Variants in ROBO2 observed in about 807,000 individuals in gnomAD.
ROBO2 encodes the protein roundabout guidance receptor 2.
ROBO2 carries 53 observed loss-of-function variants against 160.8 expected under a neutral mutation model. That is an observed-to-expected ratio of 0.33 (90% confidence interval 0.26 to 0.41). ROBO2 has a LOEUF of 0.41. ROBO2 is among the 10% of genes least tolerant of loss of function. The pLI is 1.00. For missense variants in ROBO2, 1,577 were observed against 1,722.4 expected (o/e 0.92, Z 1.49); for synonymous variants, 664 against 611.7 (o/e 1.09, Z -1.26).
intron 2 of ROBO2, among the ~76,000 whole-genome samples, chr3:77,302,090 A>G (rs114840454): frequency 6.4e-4 from 96 of 151,084 alleles, no homozygotes; most frequent in African/African-American, 2.2e-3. Context: ...TTTTTTTTCC[A>G]TAGAAACTAA....
chr3:76,456,751 G>C lies in ROBO2; in HGVS notation c.109+519149G>C, dbSNP rs528369767. On this transcript the variant is annotated intron_variant, in intron 2 of 26. Coordinates refer to the ROBO2 transcript ENST00000487694. ...GCTGGTAAAGACGTACCCAAGACTGGGAAGAAAAAGAGGTTTAATTGGACT... is the reference window on the plus strand; with the variant it reads ...GCTGGTAAAGACGTACCCAAGACTGCGAAGAAAAAGAGGTTTAATTGGACT... 3.9e-5 allele frequency among the ~76,000 whole-genome samples: 6 copies of C among 152,086 alleles called. 1 individual carries two copies. Among genetic ancestry groups the C allele is most frequent in the Admixed American group, 1.3e-4 (2 of 15,262 alleles).
intron 2 of ROBO2, among the ~76,000 whole-genome samples, chr3:76,185,215 T>TATATATATATATATATATATACAC: frequency 0.025 from 2,214 of 89,974 alleles, 117 homozygotes; most frequent in South Asian, 0.042. Flanking sequence ...TATATATATA[T>TATATATATATATATATATATACAC]ACACACACAA....
At chr3:76,615,750 T>A (rs1423454531) in intron 2 of ROBO2, among the ~76,000 whole-genome samples, 1 of 152,232 alleles carries the variant, frequency 6.6e-6, no homozygotes, top group African/African-American at 2.4e-5. Context: ...GTATTTTTAC[T>A]TTATTAATGA....
chr3:75,951,758 G>GA (rs978657815), intron 2 of ROBO2, among the ~76,000 whole-genome samples: 13 of 150,558 alleles, frequency 8.6e-5, no homozygotes, highest in South Asian at 2.1e-4. Context: ...ATGTGTGGTG[G>GA]AAAAAAAAAT....
chr3:77,265,801 T>C (rs183057734), intron 2 of ROBO2, among the ~76,000 whole-genome samples: 1 of 152,314 alleles, frequency 6.6e-6, no homozygotes, highest in Admixed American at 6.5e-5. Context: ...CTGTTTCTCA[T>C]ACTAAATCAT....
chr3:77,016,647 C>T (rs934270288), intron 2 of ROBO2, among the ~76,000 whole-genome samples: 4 of 152,102 alleles, frequency 2.6e-5, no homozygotes, highest in African/African-American at 9.7e-5. Context: ...ATTTCTAGTC[C>T]TCTCAATAGC....
intron 2 of ROBO2, among the ~76,000 whole-genome samples, chr3:76,974,604 T>C (rs1222323123): frequency 6.6e-6 from 1 of 152,214 alleles, no homozygotes; most frequent in Non-Finnish European, 1.5e-5. Flanking sequence ...ACTTATTCTT[T>C]TCTGACACAG....
At chr3:76,377,348 T>C (rs1204305262) in intron 2 of ROBO2, among the ~76,000 whole-genome samples, 1 of 152,196 alleles carries the variant, frequency 6.6e-6, no homozygotes, top group Non-Finnish European at 1.5e-5. Flanking sequence ...TTAGATATCA[T>C]GCTTCAGGCA....
At chr3:77,539,338 T>C (rs775762) in intron 6 of ROBO2, among the ~76,000 whole-genome samples, 63,413 of 152,048 alleles carry the variant, frequency 0.42, 13,251 homozygotes, top group Admixed American at 0.48. Flanking sequence ...ATTTTCAACG[T>C]TGTGTAGCAG....
intron 17 of ROBO2, among the ~76,000 whole-genome samples, chr3:77,590,620 TA>T (rs1583147831): frequency 6.6e-6 from 1 of 152,136 alleles, no homozygotes; most frequent in Admixed American, 6.6e-5. Flanking sequence ...GCAATGATAA[TA>T]AAAAATTGAC....
At chr3:76,931,920 A>G (rs1335868466) in intron 2 of ROBO2, among the ~76,000 whole-genome samples, 4 of 152,268 alleles carry the variant, frequency 2.6e-5, no homozygotes, top group Non-Finnish European at 5.9e-5. Context: ...ACCTCAGGTG[A>G]TCTACCTGCC....
chr3:76,256,625 C>T (rs889611518), intron 2 of ROBO2, among the ~76,000 whole-genome samples: 3 of 151,976 alleles, frequency 2.0e-5, no homozygotes, highest in Admixed American at 1.3e-4. Flanking sequence ...GTGGGAGGAC[C>T]ACTAGATCCC....
chr3:77,238,130 C>G (rs2151336779), intron 2 of ROBO2, among the ~76,000 whole-genome samples: 1 of 152,152 alleles, frequency 6.6e-6, no homozygotes, highest in Admixed American at 6.5e-5. Context: ...ACTTGCATAA[C>G]AGTCCTTTAT....
intron 2 of ROBO2, among the ~76,000 whole-genome samples, chr3:75,967,800 C>T (rs1176517471): frequency 6.6e-6 from 1 of 151,294 alleles, no homozygotes; most frequent in Non-Finnish European, 1.5e-5. Flanking sequence ...TCAGGAATCA[C>T]CTTATCAAGT....
rs79816378 is a variant in ROBO2, at chr3:77,243,669, G to A, written c.388+145329G>A. Among the ~76,000 whole-genome samples, 858 of 152,270 alleles carry A rather than the reference G, an allele frequency of 5.6e-3. 9 individuals carry two copies. The highest frequency in any genetic ancestry group is 0.019 in the African/African-American group (780 of 41,552). On this transcript the variant is annotated intron_variant, in intron 2 of 25. Transcript: ENST00000461745. ...TGGTTTTTGTCATTAAAATACTTGA[G>A]CTTGAAACCCAGCACTGTCAATTTA...
intron 2 of ROBO2, among the ~76,000 whole-genome samples, chr3:76,818,118 C>A (rs758511090): frequency 3.3e-5 from 5 of 151,956 alleles, no homozygotes; most frequent in Non-Finnish European, 7.4e-5. Context: ...TTTCTACCAG[C>A]GGTGTAAAAG....
chr3:76,811,202 T>G (rs1233300727), intron 2 of ROBO2, among the ~76,000 whole-genome samples: 1 of 152,178 alleles, frequency 6.6e-6, no homozygotes, highest in Non-Finnish European at 1.5e-5. Context: ...CATTTGTGGT[T>G]GGATGATTTT....
chr3:76,453,835 G>A (rs1486160326), intron 2 of ROBO2, among the ~76,000 whole-genome samples: 2 of 152,016 alleles, frequency 1.3e-5, no homozygotes, highest in African/African-American at 4.8e-5. Context: ...GTACTTGGTA[G>A]GAAATAGCTC....
At chr3:76,984,759 AT>A (rs2060282185) in intron 2 of ROBO2, among the ~76,000 whole-genome samples, 1 of 152,204 alleles carries the variant, frequency 6.6e-6, no homozygotes, top group Admixed American at 6.5e-5. Flanking sequence ...ATTAAAAAAA[AT>A]GAGAGTAGAG....
Sources: allele counts gnomAD v4.1 joint callset (sites outside exome capture counted in the v4.1 genomes callset), GRCh38; gene constraint gnomAD v4.1.1; transcripts MANE v1.5; gene names NCBI Gene and HGNC (gene_info 2026-07-23, HGNC 2026-07-21).